Variants in SCARB2 observed in about 807,000 individuals in gnomAD.
SCARB2 encodes lysosome membrane protein 2.
SCARB2 carries 29 observed loss-of-function variants against 58.6 expected under a neutral mutation model. That is an observed-to-expected ratio of 0.49 (90% CI 0.37 to 0.67). The LOEUF (loss-of-function observed/expected upper bound fraction) is 0.67, where lower values mean the gene tolerates loss of function less well. Ranked by LOEUF, SCARB2 falls within the 30% of genes least tolerant of loss-of-function variation. The pLI is 0.00. For synonymous variants in SCARB2, 195 were observed against 210.1 expected (o/e 0.93, Z 0.62); for missense variants, 488 against 578.5 (o/e 0.84, Z 1.60).
At chr4:76,230,728 G>C (rs1328282094) in intron 1 of SCARB2, among the ~76,000 whole-genome samples, 1 of 152,082 alleles carries the variant, frequency 6.6e-6, no homozygotes, top group African/African-American at 2.4e-5. Flanking sequence ...CACCACCATA[G>C]GTGTTAAAAT....
At position 76,190,366 on chromosome 4, in the gene SCARB2, C is replaced by G. The variant is rs182870557; in HGVS notation, c.275+5341G>C. Reference sequence around the variant, plus strand: ...AGAGTATCCGAAGTCAGGCAAGTCTCAGGAGGAGACAGCATTTGCACTAAG... The same window carrying G: ...AGAGTATCCGAAGTCAGGCAAGTCTGAGGAGGAGACAGCATTTGCACTAAG... On this transcript the variant is annotated intron_variant, in intron 2 of 11. Coordinates refer to ENST00000264896, the MANE Select transcript of SCARB2 (RefSeq NM_005506.4). 1.2e-3 allele frequency among the ~76,000 whole-genome samples: 188 copies of G among 152,210 alleles called. 1 individual carries two copies. Among genetic ancestry groups the G allele is most frequent in the Middle Eastern group, 0.01 (3 of 294 alleles).
intron 1 of SCARB2, among the ~76,000 whole-genome samples, chr4:76,197,452 T>C (rs1238180078): frequency 2.6e-5 from 4 of 152,212 alleles, no homozygotes; most frequent in African/African-American, 9.6e-5. Flanking sequence ...CGGAGATGTG[T>C]AGACTAGTCC....
At chr4:76,207,401 T>C (rs1732950775) in intron 1 of SCARB2, among the ~76,000 whole-genome samples, 1 of 152,250 alleles carries the variant, frequency 6.6e-6, no homozygotes, top group East Asian at 1.9e-4. Context: ...AATTGGATTA[T>C]AAAATCTGCA....
intron 1 of SCARB2, among the ~76,000 whole-genome samples, chr4:76,220,967 C>T (rs930191599): frequency 6.6e-6 from 1 of 152,172 alleles, no homozygotes; most frequent in Non-Finnish European, 1.5e-5. Context: ...GCAGCTTCCT[C>T]CTGGTCCTCT....
intron 6 of SCARB2, 78 bp downstream of exon 6, chr4:76,175,713 A>C: frequency 2.0e-6 from 3 of 1,530,156 alleles, no homozygotes; most frequent in Non-Finnish European, 2.7e-6. Context: ...GTGTGTCTGC[A>C]TATATTCCTC....
chr4:76,202,938 G>C (rs1732859375), intron 1 of SCARB2, among the ~76,000 whole-genome samples: 1 of 152,084 alleles, frequency 6.6e-6, no homozygotes, highest in Non-Finnish European at 1.5e-5. Context: ...CATTTGTGTT[G>C]CTTTCATGCT....
At chr4:76,217,750 G>C (rs1195442726), upstream of SCARB2, 1 of 500,696 alleles carries the variant, frequency 2.0e-6, no homozygotes, top group East Asian at 3.1e-5. Flanking sequence ...GCTGTGGCAA[G>C]GAGATACGGT....
At chr4:76,184,662 G>C (rs1402894678) in intron 2 of SCARB2, 15 of 247,332 alleles carry the variant, frequency 6.1e-5, no homozygotes, top group Non-Finnish European at 1.2e-4. Flanking sequence ...TGTACCTGTA[G>C]TGTCAGCTAC....
chr4:76,214,597 A>T (rs1733164484), upstream of SCARB2, among the ~76,000 whole-genome samples: 1 of 152,084 alleles, frequency 6.6e-6, no homozygotes, highest in Non-Finnish European at 1.5e-5. Context: ...GTTGGGAAGG[A>T]GCTTAAAGCA....
At chr4:76,162,932 T>C (rs577157411) in intron 11 of SCARB2, 145 of 586,770 alleles carry the variant, frequency 2.5e-4, no homozygotes, top group Non-Finnish European at 3.9e-4. Flanking sequence ...ATATTCTTCC[T>C]TTTCTTTCAG....
Position 76,163,292 on chromosome 4 carries a change from G to A in SCARB2, c.1331C>T (p.Ala444Val), listed in dbSNP as rs773957659. 26 of 1,614,008 alleles carry A rather than the reference G, an allele frequency of 1.6e-5. No individual in the cohort carries two copies. The highest frequency in any genetic ancestry group is 6.7e-5 in the Admixed American group (4 of 59,984). ...IITNIPYIIM[A>V]LGVFFGLVFT... is the part of the protein sequence containing the mutation. ...AACCAAACCAAAGAACACACCCAGC[G>A]CCATGATGATGTAGGGTATGTTGGT... Residue 444 changes from alanine to valine, a missense_variant, in exon 11 of 12, where the codon GCG becomes GTG. Coordinates refer to ENST00000264896, the MANE Select transcript of SCARB2 (RefSeq NM_005506.4).
intron 11 of SCARB2, 26 bp from the exon 12 acceptor site, chr4:76,161,777 G>A: frequency 6.2e-7 from 1 of 1,613,672 alleles, no homozygotes; most frequent in Non-Finnish European, 8.5e-7. Flanking sequence ...GAGAAAACAA[G>A]TTAGATGTTC....
intron 4 of SCARB2, chr4:76,179,135 C>T: frequency 3.9e-6 from 1 of 257,330 alleles, no homozygotes; most frequent in South Asian, 4.6e-5. Context: ...CTCACTGCAA[C>T]CTCTGCCTCC....
At chr4:76,197,840 T>G (rs1214791950) in intron 1 of SCARB2, among the ~76,000 whole-genome samples, 1 of 152,164 alleles carries the variant, frequency 6.6e-6, no homozygotes, top group Non-Finnish European at 1.5e-5. Context: ...TTTGTTTGGA[T>G]TTTTACACCA....
chr4:76,225,131 T>C (rs1733372393), intron 1 of SCARB2, among the ~76,000 whole-genome samples: 1 of 152,242 alleles, frequency 6.6e-6, no homozygotes, highest in African/African-American at 2.4e-5. Context: ...CTCCTTTTTA[T>C]GGCTGAGTAG....
At chr4:76,183,724 G>A (rs1002501164) in intron 2 of SCARB2, among the ~76,000 whole-genome samples, 17 of 152,174 alleles carry the variant, frequency 1.1e-4, no homozygotes, top group Admixed American at 9.2e-4. Context: ...CCCCTCCTGG[G>A]AGGTTGGGGG....
At position 76,163,291 on chromosome 4, in the gene SCARB2, C is replaced by T. The variant is rs768343387; in HGVS notation, c.1332G>A (p.Ala444=). 1.8e-5 allele frequency: 29 copies of T among 1,614,130 alleles called. No individual in the cohort carries two copies. Among genetic ancestry groups the T allele is most frequent in the South Asian group, 9.9e-5 (9 of 91,074 alleles). ...IITNIPYIIM[A]LGVFFGLVFT... is the part of the protein sequence containing the mutation. ...AAACCAAACCAAAGAACACACCCAG[C>T]GCCATGATGATGTAGGGTATGTTGG... is the stretch of plus-strand genomic sequence containing the variant. The change falls in exon 11 of 12, where the codon GCG becomes GCA. Residue 444 remains alanine, a synonymous_variant. Coordinates refer to ENST00000264896, the MANE Select transcript of SCARB2 (RefSeq NM_005506.4).
upstream of SCARB2, among the ~76,000 whole-genome samples, chr4:76,215,386 T>C (rs1363869033): frequency 1.3e-5 from 2 of 152,198 alleles, no homozygotes; most frequent in Non-Finnish European, 2.9e-5. Flanking sequence ...CCTCACTTTT[T>C]CTACTCTGCG....
chr4:76,178,882 G>A (rs1020205917), intron 4 of SCARB2, among the ~76,000 whole-genome samples: 3 of 152,180 alleles, frequency 2.0e-5, no homozygotes. Flanking sequence ...AAGAGGGTAA[G>A]ACTCTTGAAC....
Sources: allele counts gnomAD v4.1 joint callset (sites outside exome capture counted in the v4.1 genomes callset), GRCh38; gene constraint gnomAD v4.1.1; transcripts MANE v1.5; gene names NCBI Gene and HGNC (gene_info 2026-07-23, HGNC 2026-07-21).